PAH: variants seen among roughly 807,000 people sequenced by gnomAD.
PAH encodes the protein phenylalanine hydroxylase.
In PAH, 64 loss-of-function variants were observed where a neutral mutation model predicts 62.0. That is an observed-to-expected ratio of 1.03 (90% CI 0.84 to 1.27). The LOEUF (loss-of-function observed/expected upper bound fraction) is 1.27, where lower values mean the gene tolerates loss of function less well. Among genes scored for constraint, PAH ranks in the 50% most tolerant of loss-of-function variants. The pLI is 0.00. For missense variants in PAH, 579 were observed against 542.8 expected, an observed-to-expected ratio of 1.07 and a Z score of -0.66; for synonymous variants, 195 against 196.2, an observed-to-expected ratio of 0.99 and a Z score of 0.05.
chr12:102,913,839 G>A, intron 1 of PAH: 1 of 701,972 alleles, frequency 1.4e-6, no homozygotes, highest in Admixed American at 2.0e-5. Flanking sequence ...TGGGGTTAGG[G>A]CTGACATTCC....
At chr12:102,931,193 T>G (rs1285070748) in intron 1 of PAH, among the ~76,000 whole-genome samples, 2 of 152,222 alleles carry the variant, frequency 1.3e-5, no homozygotes, top group Non-Finnish European at 2.9e-5. Flanking sequence ...TTCTATCAAA[T>G]TTTATATTTA....
intron 3 of PAH, among the ~76,000 whole-genome samples, chr12:102,881,639 A>T (rs1270530075): frequency 6.6e-6 from 1 of 152,184 alleles, no homozygotes; most frequent in Non-Finnish European, 1.5e-5. Context: ...ACCCCCTGGC[A>T]ACCACCATTC....
chr12:102,924,325 T>C (rs181386904), intron 1 of PAH, among the ~76,000 whole-genome samples: 113 of 152,202 alleles, frequency 7.4e-4, no homozygotes, highest in African/African-American at 2.4e-3. Flanking sequence ...AACAATCACA[T>C]TCAATGTACT....
intron 3 of PAH, among the ~76,000 whole-genome samples, chr12:102,891,444 A>G (rs1877270063): frequency 1.3e-5 from 2 of 152,050 alleles, no homozygotes; most frequent in African/African-American, 4.8e-5. Flanking sequence ...CAGTTGCCAG[A>G]CTCTGAAAAA....
intron 11 of PAH, among the ~76,000 whole-genome samples, chr12:102,842,148 A>T (rs1396879147): frequency 6.6e-6 from 1 of 152,134 alleles, no homozygotes; most frequent in Non-Finnish European, 1.5e-5. Flanking sequence ...CTTGCTGGTT[A>T]GAGAGTTGTC....
intron 2 of PAH, among the ~76,000 whole-genome samples, chr12:102,895,869 AAT>A (rs1555208128): frequency 0.016 from 1,920 of 118,580 alleles, 31 homozygotes; most frequent in African/African-American, 0.042. Flanking sequence ...AAAAAAAAAA[AAT>A]ATATATATAT....
chr12:102,938,432 T>A (rs1879177922), intron 1 of PAH, among the ~76,000 whole-genome samples: 1 of 152,134 alleles, frequency 6.6e-6, no homozygotes, highest in African/African-American at 2.4e-5. Context: ...CACCACCTGC[T>A]GTAAGTGTGT....
intron 1 of PAH, among the ~76,000 whole-genome samples, chr12:102,941,098 A>G (rs1437752334): frequency 6.6e-6 from 1 of 152,182 alleles, no homozygotes; most frequent in Non-Finnish European, 1.5e-5. Context: ...AGGAGAAATA[A>G]AACTCTTTTC....
chr12:102,926,511 G>A (rs1878688429), intron 1 of PAH, among the ~76,000 whole-genome samples: 1 of 151,920 alleles, frequency 6.6e-6, no homozygotes, highest in Non-Finnish European at 1.5e-5. Flanking sequence ...AGCCAGTTGT[G>A]AGCTAAAAGT....
At chr12:102,881,633 C>G (rs753514983) in intron 3 of PAH, among the ~76,000 whole-genome samples, 3 of 152,154 alleles carry the variant, frequency 2.0e-5, no homozygotes, top group Non-Finnish European at 2.9e-5. Context: ...CACCCTACCC[C>G]CTGGCAACCA....
intron 7 of PAH, chr12:102,852,074 G>A (rs1875176793): frequency 2.8e-6 from 1 of 358,534 alleles, no homozygotes; most frequent in Non-Finnish European, 5.3e-6. Context: ...ACCTAAGTGA[G>A]CTATGAGTCA....
chr12:102,877,685 T>C, intron 3 of PAH, 135 bp from the exon 4 acceptor site: 1 of 726,160 alleles, frequency 1.4e-6, no homozygotes, highest in Non-Finnish European at 2.5e-6. Flanking sequence ...CCCAAATTAC[T>C]ATCGTTCAAA....
intron 2 of PAH, among the ~76,000 whole-genome samples, chr12:102,904,525 A>G (rs1293859733): frequency 6.6e-6 from 1 of 152,180 alleles, no homozygotes; most frequent in East Asian, 1.9e-4. Flanking sequence ...ATGGCTCTCT[A>G]AAACCTAGAT....
chr12:102,890,708 C>A (rs1024959740), intron 3 of PAH, among the ~76,000 whole-genome samples: 18 of 152,322 alleles, frequency 1.2e-4, no homozygotes, highest in African/African-American at 3.8e-4. Flanking sequence ...AAGCGAGAAG[C>A]CCCATTAGGG....
chr12:102,883,077 T>C (rs1876889339), intron 3 of PAH, among the ~76,000 whole-genome samples: 1 of 152,124 alleles, frequency 6.6e-6, no homozygotes, highest in South Asian at 2.1e-4. Flanking sequence ...TCTTGGGCTT[T>C]AGTTTCTGTA....
intron 4 of PAH, among the ~76,000 whole-genome samples, chr12:102,869,248 C>T (rs1447470562): frequency 6.6e-6 from 1 of 152,086 alleles, no homozygotes; most frequent in Non-Finnish European, 1.5e-5. Flanking sequence ...AGATTTTCTA[C>T]TTGTGAAAAT....
At chr12:102,846,817 G>T (rs957184817) in intron 9 of PAH, 78 bp downstream of exon 9, 4 of 1,203,744 alleles carry the variant, frequency 3.3e-6, no homozygotes, top group Non-Finnish European at 1.2e-6. Context: ...GGCTTCCAGG[G>T]GAGTAGGAAA....
chr12:102,854,473 G>A (rs1875317495), intron 6 of PAH, among the ~76,000 whole-genome samples: 1 of 152,158 alleles, frequency 6.6e-6, no homozygotes, highest in Non-Finnish European at 1.5e-5. Context: ...AGAGGCTTGC[G>A]ACTCAATGTA....
intron 12 of PAH, among the ~76,000 whole-genome samples, chr12:102,839,458 A>C (rs1273433564): frequency 6.6e-6 from 1 of 152,234 alleles, no homozygotes; most frequent in African/African-American, 2.4e-5. Context: ...GGAAGGACTT[A>C]ACAGGTCTCT....
Sources: gnomAD v4.1 joint callset for allele counts (sites outside exome capture counted in the v4.1 genomes callset) on GRCh38, gnomAD v4.1.1 for gene constraint, MANE v1.5 for transcripts, NCBI Gene and HGNC (gene_info 2026-07-23, HGNC 2026-07-21) for gene names.